Variants in SMCHD1 observed in about 807,000 individuals in gnomAD.
The protein encoded by SMCHD1 is structural maintenance of chromosomes flexible hinge domain containing 1.
Under a neutral mutation model 254.7 loss-of-function variants are expected in SMCHD1, and 78 were observed. That is an observed-to-expected ratio of 0.31 (90% confidence interval 0.26 to 0.37). SMCHD1 has a LOEUF of 0.37. SMCHD1 is among the 10% of genes least tolerant of loss of function. The probability of loss-of-function intolerance (pLI) is 1.00; values close to 1 mark genes in which losing one functional copy is unlikely to be tolerated. For synonymous variants in SMCHD1, 766 were observed against 794.9 expected (o/e 0.96, Z 0.61); for missense variants, 1,840 against 2,408.1 (o/e 0.76, Z 4.94).
intron 42 of SMCHD1, among the ~76,000 whole-genome samples, 184 bp downstream of exon 42, chr18:2,776,108 T>C (rs770463283): frequency 6.6e-6 from 1 of 152,182 alleles, no homozygotes; most frequent in Non-Finnish European, 1.5e-5. Context: ...CTATGTTTTA[T>C]TTGCCAATTA....
intron 25 of SMCHD1, among the ~76,000 whole-genome samples, chr18:2,732,872 T>G (rs1173647034): frequency 1.3e-5 from 2 of 152,170 alleles, no homozygotes; most frequent in African/African-American, 4.8e-5. Flanking sequence ...AGGCAAGCAG[T>G]GAAACAGTGT....
chr18:2,699,428 C>T (rs553294796), intron 10 of SMCHD1, among the ~76,000 whole-genome samples: 1 of 152,290 alleles, frequency 6.6e-6, no homozygotes, highest in East Asian at 1.9e-4. Flanking sequence ...CAGTCTCTGC[C>T]TCCCAGGTTC....
chr18:2,729,904 G>T (rs2075103845), intron 24 of SMCHD1, among the ~76,000 whole-genome samples: 1 of 151,946 alleles, frequency 6.6e-6, no homozygotes, highest in African/African-American at 2.4e-5. Flanking sequence ...TTGAAAAAGA[G>T]GGTCTTGCTG....
At chr18:2,682,688 A>G (rs560868409) in intron 5 of SMCHD1, among the ~76,000 whole-genome samples, 6 of 152,340 alleles carry the variant, frequency 3.9e-5, no homozygotes, top group African/African-American at 1.2e-4. Context: ...CCCAAAGATT[A>G]AGTGTCCTTT....
intron 25 of SMCHD1, among the ~76,000 whole-genome samples, chr18:2,736,251 A>G (rs1174766837): frequency 6.6e-5 from 10 of 152,226 alleles, no homozygotes; most frequent in Non-Finnish European, 1.0e-4. Context: ...ATATACAAAA[A>G]TTAACTCAGG....
intron 25 of SMCHD1, among the ~76,000 whole-genome samples, chr18:2,736,936 C>T (rs1417516456): frequency 6.6e-6 from 1 of 152,146 alleles, no homozygotes; most frequent in African/African-American, 2.4e-5. Flanking sequence ...ACCAAATATA[C>T]GTGCAGTTTT....
rs763531102 is a variant in SMCHD1 at position 2,674,155 on chromosome 18, CCTTA to C, written c.638+14_638+17del. On this transcript the variant is annotated intron_variant, in intron 5 of 47. Coordinates refer to ENST00000320876, the MANE Select transcript of SMCHD1 (RefSeq NM_015295.3). ...AAGGTGACTTTGAAAGGTTAGAAAA[CCTTA>C]CTTTTTTTTTTTTGTGGGTAGCTAT... 7.8e-5 allele frequency: 121 copies of C among 1,555,498 alleles called. No individual in the cohort carries two copies. The highest frequency in any genetic ancestry group is 1.7e-4 in the Middle Eastern group (1 of 5,882).
chr18:2,687,388 C>A (rs1028697030), intron 5 of SMCHD1, among the ~76,000 whole-genome samples: 3 of 152,148 alleles, frequency 2.0e-5, no homozygotes, highest in African/African-American at 7.2e-5. Context: ...TTTAGGTTAA[C>A]AGATTTTTTT....
chr18:2,700,395 T>A, intron 10 of SMCHD1, 144 bp from the exon 11 acceptor site: 3 of 858,448 alleles, frequency 3.5e-6, no homozygotes, highest in Non-Finnish European at 5.2e-6. Context: ...TGGAACCACT[T>A]TGTAAACCTA....
chr18:2,770,033 G>T lies in SMCHD1; in HGVS notation c.4891G>T (p.Asp1631Tyr). The change falls in exon 39 of 48, where the codon GAC (aspartate) becomes TAC (tyrosine). Residue 1631 changes from aspartate (D) to tyrosine (Y), a missense_variant. This residue lies in a region of SMCHD1 where 881 missense variants were observed against 1,009.5 expected (regional missense o/e 0.87). Transcript: ENST00000320876. ...QQMAALTKEKDQLSQSIVMYK... is the reference protein window; with the variant it reads ...QQMAALTKEKYQLSQSIVMYK... ...AATGGCAGCACTTACAAAAGAAAAG[G>T]ACCAATTATCTCAGTCTATTGTTAT... 1 of 1,601,836 alleles carries T rather than the reference G, an allele frequency of 6.2e-7. No homozygotes were observed. The highest frequency in any genetic ancestry group is 8.5e-7 in the Non-Finnish European group (1 of 1,176,788).
intron 24 of SMCHD1, among the ~76,000 whole-genome samples, chr18:2,730,536 G>A (rs2075118498): frequency 6.6e-6 from 1 of 152,202 alleles, no homozygotes; most frequent in Admixed American, 6.5e-5. Context: ...GTGGCTGATA[G>A]CAAAGCCAAC....
At chr18:2,751,030 C>T (rs922515969) in intron 32 of SMCHD1, among the ~76,000 whole-genome samples, 3 of 151,946 alleles carry the variant, frequency 2.0e-5, no homozygotes, top group African/African-American at 7.2e-5. Flanking sequence ...ATATTCTGTT[C>T]TTGGAATACA....
intron 41 of SMCHD1, among the ~76,000 whole-genome samples, chr18:2,775,528 G>A (rs559355606): frequency 6.6e-6 from 1 of 151,942 alleles, no homozygotes; most frequent in South Asian, 2.1e-4. Context: ...CTTTACTGGA[G>A]TTTAATCTTT....
At chr18:2,775,227 A>T (rs1399231182) in intron 41 of SMCHD1, among the ~76,000 whole-genome samples, 1 of 151,762 alleles carries the variant, frequency 6.6e-6, no homozygotes, top group African/African-American at 2.4e-5. Flanking sequence ...AACAATTCTT[A>T]TTTGTGATGT....
At chr18:2,707,412 A>G in intron 15 of SMCHD1, 151 bp from the exon 16 acceptor site, 2 of 435,772 alleles carry the variant, frequency 4.6e-6, no homozygotes, top group Non-Finnish European at 8.0e-6. Context: ...GAGGAAAAAA[A>G]TTTTTAGATG....
intron 47 of SMCHD1, 108 bp from the exon 48 acceptor site, chr18:2,802,420 A>T: frequency 2.6e-6 from 2 of 780,650 alleles, no homozygotes; most frequent in Non-Finnish European, 4.1e-6. Context: ...AATTATATTT[A>T]AAAGAATATG....
rs2143549677 is a variant in SMCHD1, at chr18:2,740,988, T to A, written c.3633+167T>A. ...GAAAAAGTTTGAACATATGCAGAAA[T>A]AAACATAGAATGAGTATTTCTTGTG... On this transcript the variant is annotated intron_variant, in intron 28 of 47. Transcript: ENST00000320876. Among the ~76,000 whole-genome samples the A allele has an allele frequency of 2.0e-5, 3 of 152,324 alleles. No homozygotes were observed. The East Asian group carries it at 5.8e-4, about 29-fold the overall frequency.
At chr18:2,672,205 C>T (rs967501842) in intron 3 of SMCHD1, among the ~76,000 whole-genome samples, 3 of 151,934 alleles carry the variant, frequency 2.0e-5, no homozygotes, top group Non-Finnish European at 2.9e-5. Context: ...AGTAGAAGTG[C>T]TTGCTGGAGT....
chr18:2,719,769 A>G (rs1473812166), intron 19 of SMCHD1, among the ~76,000 whole-genome samples: 5 of 150,368 alleles, frequency 3.3e-5, no homozygotes, highest in African/African-American at 4.9e-5. Context: ...TCTGACTCCC[A>G]GTTTCAAGCG....
Sources: gnomAD v4.1 joint callset for allele counts (sites outside exome capture counted in the v4.1 genomes callset) on GRCh38, gnomAD v4.1.1 for gene constraint, gnomAD v4.1.1 regional missense constraint, MANE v1.5 for transcripts, NCBI Gene and HGNC (gene_info 2026-07-23, HGNC 2026-07-21) for gene names.